PITPNB: variants seen among roughly 807,000 people sequenced by gnomAD.
PITPNB encodes the protein phosphatidylinositol transfer protein beta, also known as phosphatidylinositol transfer protein beta isoform.
In PITPNB, 16 loss-of-function variants were observed where a neutral mutation model predicts 45.9. The observed-to-expected ratio is 0.35, with a 90% CI of 0.24 to 0.53. PITPNB has a LOEUF of 0.53. PITPNB is among the 20% of genes least tolerant of loss of function. PITPNB has a pLI of 0.93. For missense variants in PITPNB, 188 were observed against 330.5 expected (o/e 0.57, Z 3.34); for synonymous variants, 112 against 108.9 (o/e 1.03, Z -0.18).
intron 11 of PITPNB, 27 bp from the exon 12 acceptor site, chr22:27,853,690 A>G (rs1934091114): frequency 2.0e-6 from 3 of 1,486,076 alleles, no homozygotes; most frequent in South Asian, 1.2e-5. Context: ...AGACAGTGCA[A>G]AATGTGTTAA....
chr22:27,860,444 G>C, intron 8 of PITPNB: 1 of 460,276 alleles, frequency 2.2e-6, no homozygotes, highest in Admixed American at 3.4e-5. Context: ...CACAGACCAA[G>C]TTACTTCCTA....
intron 8 of PITPNB, among the ~76,000 whole-genome samples, chr22:27,868,768 T>C (rs1484487571): frequency 6.6e-6 from 1 of 152,168 alleles, no homozygotes; most frequent in South Asian, 2.1e-4. Flanking sequence ...GATCCCCTTA[T>C]ATATTCCAAA....
intron 1 of PITPNB, among the ~76,000 whole-genome samples, chr22:27,918,130 T>C (rs757069525): frequency 2.6e-5 from 4 of 152,192 alleles, no homozygotes; most frequent in Non-Finnish European, 4.4e-5. Flanking sequence ...TAAAGCCTTG[T>C]AGCTGTTGCA....
Position 27,858,419 on chromosome 22 carries a change from T to C in PITPNB, c.736A>G (p.Met246Val), listed in dbSNP as rs201920448. 1 of 1,607,718 alleles carries C rather than the reference T, an allele frequency of 6.2e-7. No homozygotes were observed. The highest frequency in any genetic ancestry group is 8.5e-7 in the Non-Finnish European group (1 of 1,176,704). The change falls in exon 10 of 12, where the codon ATG becomes GTG. Residue 246 changes from methionine to valine, a missense_variant. Coordinates refer to ENST00000335272, the MANE Select transcript of PITPNB (RefSeq NM_012399.5). ...IDLTMEDIRRMEDETQKELET... is the reference protein window; with the variant it reads ...IDLTMEDIRRVEDETQKELET... The stretch of plus-strand genomic sequence containing the variant: ...AGTTCTTTCTGAGTCTCGTCTTCCA[T>C]TCTCCTAATGTCTTCCATCGTGAGA...
chr22:27,889,071 A>G (rs1318927709), intron 7 of PITPNB, among the ~76,000 whole-genome samples: 1 of 152,210 alleles, frequency 6.6e-6, no homozygotes, highest in African/African-American at 2.4e-5. Context: ...TTCAAAGTAA[A>G]TCTTACAGTC....
intron 1 of PITPNB, among the ~76,000 whole-genome samples, chr22:27,914,595 G>A (rs1311896676): frequency 1.3e-5 from 2 of 152,148 alleles, no homozygotes; most frequent in Non-Finnish European, 2.9e-5. Context: ...AACAGCAGCT[G>A]CAGAGATTCT....
chr22:27,886,997 C>T (rs1935140612), intron 7 of PITPNB, among the ~76,000 whole-genome samples: 1 of 152,156 alleles, frequency 6.6e-6, no homozygotes, highest in Admixed American at 6.5e-5. Context: ...GCCACAAGTA[C>T]AAACTTTGAG....
At position 27,870,004 on chromosome 22, in the gene PITPNB, C is replaced by T. The variant is rs1252649441; in HGVS notation, c.534+3734G>A. On this transcript the variant is annotated intron_variant, in intron 8 of 11. Transcript: ENST00000335272. ...ATTCTGGCAAATACCATGAATAGGG[C>T]ATCACACAATTGCCAATGATGCAAC... is the stretch of plus-strand genomic sequence containing the variant. Among the ~76,000 whole-genome samples, 5 of 152,130 alleles carry T rather than the reference C, an allele frequency of 3.3e-5. No homozygotes were observed. In the East Asian group the frequency reaches 7.7e-4, roughly 23 times the overall value.
intron 2 of PITPNB, 81 bp downstream of exon 2, chr22:27,914,236 T>C (rs1936013890): frequency 9.6e-6 from 8 of 835,486 alleles, no homozygotes; most frequent in Middle Eastern, 4.4e-4. Context: ...AAATCAATAC[T>C]ACGAAAATGT....
At chr22:27,892,790 C>A (rs967929692) in intron 7 of PITPNB, among the ~76,000 whole-genome samples, 4 of 152,150 alleles carry the variant, frequency 2.6e-5, no homozygotes, top group Non-Finnish European at 5.9e-5. Context: ...CTTCGAATCA[C>A]AGCAAAACTA....
chr22:27,855,613 C>T (rs1477935000), intron 10 of PITPNB, among the ~76,000 whole-genome samples: 2 of 152,142 alleles, frequency 1.3e-5, no homozygotes, highest in African/African-American at 4.8e-5. Flanking sequence ...ATCCTCACCC[C>T]CACCCCGGAA....
intron 7 of PITPNB, among the ~76,000 whole-genome samples, chr22:27,892,317 C>T (rs1935302643): frequency 6.6e-6 from 1 of 152,214 alleles, no homozygotes; most frequent in Non-Finnish European, 1.5e-5. Context: ...CCTGTAAACA[C>T]TGCCCATTTT....
intron 7 of PITPNB, among the ~76,000 whole-genome samples, chr22:27,889,107 T>C (rs1309893964): frequency 1.3e-5 from 2 of 152,290 alleles, no homozygotes; most frequent in African/African-American, 4.8e-5. Flanking sequence ...CAAGCACAAC[T>C]GCGCTGGGAG....
chr22:27,882,041 C>T (rs1934989461), intron 7 of PITPNB, among the ~76,000 whole-genome samples: 1 of 152,126 alleles, frequency 6.6e-6, no homozygotes, highest in African/African-American at 2.4e-5. Context: ...AAGTATGTAA[C>T]ATCTGGGCAT....
intron 10 of PITPNB, 129 bp downstream of exon 10, chr22:27,858,258 T>G: frequency 1.4e-5 from 10 of 702,424 alleles, no homozygotes; most frequent in South Asian, 2.1e-5. Flanking sequence ...TCCATTTTGA[T>G]GAGAATAAGT....
intron 7 of PITPNB, among the ~76,000 whole-genome samples, chr22:27,883,067 T>C (rs374681484): frequency 6.6e-6 from 1 of 152,154 alleles, no homozygotes; most frequent in African/African-American, 2.4e-5. Flanking sequence ...TCAAAATACA[T>C]CAGAGTTCAG....
chr22:27,877,296 A>G (rs1034412781), intron 7 of PITPNB, among the ~76,000 whole-genome samples: 1 of 152,220 alleles, frequency 6.6e-6, no homozygotes, highest in African/African-American at 2.4e-5. Context: ...TGCTCCACCA[A>G]TAATAGTGCC....
At chr22:27,888,179 C>T (rs910181076) in intron 7 of PITPNB, among the ~76,000 whole-genome samples, 1 of 152,148 alleles carries the variant, frequency 6.6e-6, no homozygotes, top group African/African-American at 2.4e-5. Context: ...AAGGATTCTC[C>T]ATCAGTACAA....
intron 3 of PITPNB, 112 bp downstream of exon 3, chr22:27,910,852 T>C: frequency 1.4e-6 from 1 of 734,448 alleles, no homozygotes; most frequent in East Asian, 2.5e-5. Context: ...ATGCAATATA[T>C]TATCAAACTG....
Sources: gnomAD v4.1 joint callset for allele counts (sites outside exome capture counted in the v4.1 genomes callset) on GRCh38, gnomAD v4.1.1 for gene constraint, MANE v1.5 for transcripts, NCBI Gene and HGNC (gene_info 2026-07-23, HGNC 2026-07-21) for gene names.